The following R3HDM2 variants were observed in gnomAD, a reference collection of about 807,000 sequenced individuals.
The protein encoded by R3HDM2 is R3H domain containing 2.
Under a neutral mutation model 124.5 loss-of-function variants are expected in R3HDM2, and 38 were observed. The ratio of observed to expected loss-of-function variants is 0.31; its 90% CI spans 0.24 to 0.40. The LOEUF is 0.40. Ranked by LOEUF, R3HDM2 falls within the 10% of genes least tolerant of loss-of-function variation. The pLI is 1.00. For missense variants in R3HDM2, 869 were observed against 1,236.9 expected (o/e 0.70, Z 4.46); for synonymous variants, 391 against 448.0 (o/e 0.87, Z 1.61).
At chr12:57,295,253 TAAGCCA>T in intron 10 of R3HDM2, 140 bp downstream of exon 10, 1 of 625,506 alleles carries the variant, frequency 1.6e-6, no homozygotes, top group Non-Finnish European at 2.8e-6. Context: ...TTCTCAACAT[TAAGCCA>T]AAGCCAACTC....
chr12:57,392,822 T>TG (rs1662774743), intron 2 of R3HDM2, among the ~76,000 whole-genome samples: 2 of 150,928 alleles, frequency 1.3e-5, no homozygotes, highest in Admixed American at 6.6e-5. Context: ...TTTTTTTTTT[T>TG]TTGCTAGAGT....
At chr12:57,363,982 C>T (rs545806082) in intron 2 of R3HDM2, among the ~76,000 whole-genome samples, 20 of 151,950 alleles carry the variant, frequency 1.3e-4, no homozygotes, top group African/African-American at 4.3e-4. Context: ...AAGGTATTTT[C>T]GCTGCATATA....
At chr12:57,363,390 A>C (rs1250534659) in intron 2 of R3HDM2, among the ~76,000 whole-genome samples, 1 of 152,158 alleles carries the variant, frequency 6.6e-6, no homozygotes, top group Non-Finnish European at 1.5e-5. Flanking sequence ...TATCACCCCC[A>C]AAAGAAACCT....
intron 1 of R3HDM2, among the ~76,000 whole-genome samples, chr12:57,411,498 A>G (rs2068999632): frequency 6.6e-6 from 1 of 152,234 alleles, no homozygotes; most frequent in South Asian, 2.1e-4. Flanking sequence ...ACATGTTACT[A>G]ACACATCATC....
In R3HDM2 at chr12:57,415,717, GAT is replaced by G. The variant is rs1282764700; in HGVS notation, c.-106+15001_-106+15002del. Among the ~76,000 whole-genome samples, 28 of 152,208 alleles carry G rather than the reference GAT, an allele frequency of 1.8e-4. No individual in the cohort carries two copies. The South Asian group carries it at 2.1e-3, about 11-fold the overall frequency. ...TCAAAGTTAACATTATCAATAATGA[GAT>G]AAAGTCACATTATGTGCACACAACA... On this transcript the variant is annotated intron_variant, in intron 1 of 23. Coordinates refer to ENST00000402412, the MANE Select transcript of R3HDM2 (RefSeq NM_001394031.1).
chr12:57,331,633 A>T (rs1441374705), intron 2 of R3HDM2, among the ~76,000 whole-genome samples: 1 of 152,088 alleles, frequency 6.6e-6, no homozygotes, highest in African/African-American at 2.4e-5. Flanking sequence ...CTGTCTCTGT[A>T]AAATTTTTTT....
chr12:57,400,805 C>A (rs1483698895), intron 1 of R3HDM2, among the ~76,000 whole-genome samples: 1 of 151,982 alleles, frequency 6.6e-6, no homozygotes, highest in South Asian at 2.1e-4. Flanking sequence ...AGAGTGTTAA[C>A]CCTCAGAAAT....
At chr12:57,406,100 T>G (rs1333377755) in intron 1 of R3HDM2, among the ~76,000 whole-genome samples, 2 of 152,126 alleles carry the variant, frequency 1.3e-5, no homozygotes, top group African/African-American at 4.8e-5. Context: ...CACAGGCAGA[T>G]CACCTGAGGT....
chr12:57,317,909 G>A (rs1241256077), intron 2 of R3HDM2, among the ~76,000 whole-genome samples: 1 of 151,202 alleles, frequency 6.6e-6, no homozygotes, highest in East Asian at 2.0e-4. Flanking sequence ...GAACCTGGGA[G>A]GCAGAGGTTG....
intron 2 of R3HDM2, among the ~76,000 whole-genome samples, chr12:57,384,978 C>G (rs1319204717): frequency 6.6e-6 from 1 of 152,082 alleles, no homozygotes; most frequent in Non-Finnish European, 1.5e-5. Context: ...GAAACCCCAT[C>G]TCTACTAAAA....
intron 2 of R3HDM2, among the ~76,000 whole-genome samples, chr12:57,379,681 C>A (rs1199351400): frequency 6.6e-6 from 1 of 151,980 alleles, no homozygotes; most frequent in Non-Finnish European, 1.5e-5. Flanking sequence ...ATAGCTCTGA[C>A]ACAATGATTA....
At chr12:57,315,841 TG>T (rs2054892473) in intron 2 of R3HDM2, among the ~76,000 whole-genome samples, 1 of 152,210 alleles carries the variant, frequency 6.6e-6, no homozygotes, top group African/African-American at 2.4e-5. Context: ...ATCAGTTGGC[TG>T]GGCGTGTTGG....
intron 14 of R3HDM2, chr12:57,272,453 C>T (rs1465481070): frequency 6.5e-7 from 1 of 1,548,578 alleles, no homozygotes; most frequent in Non-Finnish European, 8.7e-7. Flanking sequence ...GAGTTTATAC[C>T]ATGTTGTACT....
At chr12:57,302,667 CAAAAAAAAAA>C (rs756266164) in intron 4 of R3HDM2, among the ~76,000 whole-genome samples, 5 of 39,784 alleles carry the variant, frequency 1.3e-4, no homozygotes, top group East Asian at 1.7e-3. Context: ...AATTCCGTCT[CAAAAAAAAAA>C]AAAAAAAAAG....
At position 57,254,083 on chromosome 12, in the gene R3HDM2, A is replaced by G. The variant is rs895890749; in HGVS notation, c.*690T>C. On this transcript the variant is annotated 3_prime_UTR_variant, in exon 24 of 24. Coordinates refer to ENST00000402412, the MANE Select transcript of R3HDM2 (RefSeq NM_001394031.1). ...CATATAAATATATTCATAAAGACCAAAAAAGGAAAGGAAGCTTGGGATGTT... is the reference window on the plus strand; with the variant it reads ...CATATAAATATATTCATAAAGACCAGAAAAGGAAAGGAAGCTTGGGATGTT... 2.4e-6 allele frequency: 1 copy of G among 425,292 alleles called. No homozygotes were observed. Among genetic ancestry groups the G allele is most frequent in the African/African-American group, 2.1e-5 (1 of 47,508 alleles). 26.3% of individuals were successfully genotyped at this position (425,292 alleles called of 1,614,324 possible).
intron 1 of R3HDM2, chr12:57,430,489 G>GCCCCCCCCCCCCC: frequency 5.1e-6 from 4 of 790,578 alleles, no homozygotes; most frequent in Non-Finnish European, 6.1e-6. Flanking sequence ...CCACCCCCCT[G>GCCCCCCCCCCCCC]CCCCCGCACC....
chr12:57,363,988 A>G (rs1198049944), intron 2 of R3HDM2, among the ~76,000 whole-genome samples: 2 of 152,118 alleles, frequency 1.3e-5, no homozygotes, highest in East Asian at 3.8e-4. Flanking sequence ...TTTTCGCTGC[A>G]TATAAAATTT....
At chr12:57,256,982 A>G (rs564931891) in intron 21 of R3HDM2, among the ~76,000 whole-genome samples, 1 of 150,946 alleles carries the variant, frequency 6.6e-6, no homozygotes, top group East Asian at 1.9e-4. Context: ...CGCCTGGCTA[A>G]TTTTTTTTTG....
At chr12:57,371,113 T>TTTTTTTTTTA (rs71084748) in intron 2 of R3HDM2, among the ~76,000 whole-genome samples, 4 of 101,850 alleles carry the variant, frequency 3.9e-5, no homozygotes, top group South Asian at 3.6e-4. Flanking sequence ...TTTTTTTTTT[T>TTTTTTTTTTA]AAGATACACA....
Sources: allele counts gnomAD v4.1 joint callset (sites outside exome capture counted in the v4.1 genomes callset), GRCh38; gene constraint gnomAD v4.1.1; transcripts MANE v1.5; gene names NCBI Gene and HGNC (gene_info 2026-07-23, HGNC 2026-07-21).